The following URB1 variants were observed in gnomAD, a reference collection of about 807,000 sequenced individuals.
The protein encoded by URB1 is nucleolar pre-ribosomal-associated protein 1.
Under a neutral mutation model 242.3 loss-of-function variants are expected in URB1, and 197 were observed. That is an observed-to-expected ratio of 0.81 (90% CI 0.72 to 0.91). URB1 has a LOEUF of 0.91. URB1 is among the 40% of genes least tolerant of loss of function. URB1 has a pLI of 0.00. For synonymous variants in URB1, 1,153 were observed against 1,201.8 expected, an observed-to-expected ratio of 0.96 and a Z score of 0.84; for missense variants, 2,721 against 2,860.5, an observed-to-expected ratio of 0.95 and a Z score of 1.11.
At chr21:32,377,590 T>G (rs563096567) in intron 5 of URB1, among the ~76,000 whole-genome samples, 1 of 151,906 alleles carries the variant, frequency 6.6e-6, no homozygotes, top group East Asian at 1.9e-4. Context: ...ACTCTCATGC[T>G]GCTCCACCAC....
intron 28 of URB1, among the ~76,000 whole-genome samples, chr21:32,334,575 G>A (rs763462599): frequency 6.6e-6 from 1 of 152,144 alleles, no homozygotes; most frequent in Non-Finnish European, 1.5e-5. Flanking sequence ...CTACTCAGCT[G>A]GCCCTATTCT....
rs540569583 is a variant in URB1 at position 32,314,700 on chromosome 21, G to C, written c.*218C>G. On this transcript the variant is annotated 3_prime_UTR_variant, in exon 39 of 39. Transcript: ENST00000382751. Reference sequence around the variant, plus strand: ...TGGCCTAGAAGTCCCCACATTCCTTGCAACTCTGATGCTGGGCACCTACAG... The same window carrying C: ...TGGCCTAGAAGTCCCCACATTCCTTCCAACTCTGATGCTGGGCACCTACAG... 7.6e-6 allele frequency: 12 copies of C among 1,579,136 alleles called. No individual in the cohort carries two copies. In the African/African-American group the frequency reaches 1.1e-4, roughly 14 times the overall value.
chr21:32,331,438 T>C (rs2032891604), intron 30 of URB1, among the ~76,000 whole-genome samples: 1 of 152,174 alleles, frequency 6.6e-6, no homozygotes, highest in Non-Finnish European at 1.5e-5. Flanking sequence ...CAAGTAGAAC[T>C]AAAAATACTG....
chr21:32,337,274 C>T (rs1157426557), intron 27 of URB1, 117 bp from the exon 28 acceptor site: 1 of 1,343,028 alleles, frequency 7.4e-7, no homozygotes, highest in Admixed American at 2.0e-5. Flanking sequence ...TATCTTCACC[C>T]TGCTTGCACC....
intron 4 of URB1, 43 bp from the exon 5 acceptor site, chr21:32,378,584 A>G (rs1244517519): frequency 6.7e-7 from 1 of 1,490,152 alleles, no homozygotes; most frequent in Non-Finnish European, 9.2e-7. Context: ...CATATTCCAC[A>G]TACAGCCAAA....
chr21:32,351,060 C>A, intron 19 of URB1, 138 bp from the exon 20 acceptor site: 1 of 900,398 alleles, frequency 1.1e-6, no homozygotes, highest in South Asian at 1.7e-5. Flanking sequence ...GAATACGGGA[C>A]CGTGTGGCAT....
rs1245424057 is a variant in URB1 at position 32,349,341 on chromosome 21, A to T, written c.2975T>A (p.Met992Lys). Residue 992 changes from methionine (M) to lysine (K), a missense_variant, in exon 21 of 39, where the codon ATG (methionine) becomes AAG (lysine). By Grantham distance (95) the Met-to-Lys change is moderately conservative. Transcript: ENST00000382751. ...ARAEADLFLD[M>K]ESVASLELAN... ...CAACTCCAGCGAGGCCACGGACTCCATGTCCAGGAAGAGGTCGGCTTCGGC... is the reference window on the plus strand; with the variant it reads ...CAACTCCAGCGAGGCCACGGACTCCTTGTCCAGGAAGAGGTCGGCTTCGGC... The T allele has an allele frequency of 6.4e-7, 1 of 1,550,564 alleles. No homozygotes were observed.
At chr21:32,355,382 G>A (rs1422888248) in intron 16 of URB1, 67 bp downstream of exon 16, 35 of 1,436,376 alleles carry the variant, frequency 2.4e-5, no homozygotes, top group African/African-American at 4.2e-5. Flanking sequence ...AAAATGCCTC[G>A]ATGACGCTAA....
intron 1 of URB1, among the ~76,000 whole-genome samples, chr21:32,390,724 C>T (rs1382464615): frequency 1.3e-5 from 2 of 152,142 alleles, no homozygotes; most frequent in African/African-American, 4.8e-5. Context: ...ACAACAGGTG[C>T]TGGAGAGGAT....
At chr21:32,371,565 CA>C (rs1045121778) in intron 8 of URB1, among the ~76,000 whole-genome samples, 6 of 152,142 alleles carry the variant, frequency 3.9e-5, no homozygotes, top group African/African-American at 4.8e-5. Flanking sequence ...AAAACACGTC[CA>C]AAGTCATAAG....
At chr21:32,391,616 A>G (rs1220731326) in intron 1 of URB1, among the ~76,000 whole-genome samples, 1 of 152,184 alleles carries the variant, frequency 6.6e-6, no homozygotes, top group African/African-American at 2.4e-5. Flanking sequence ...CGTAGCAAAT[A>G]ATAGCCTCTA....
intron 4 of URB1, among the ~76,000 whole-genome samples, chr21:32,379,020 A>T (rs2033492095): frequency 6.6e-6 from 1 of 152,248 alleles, no homozygotes; most frequent in Non-Finnish European, 1.5e-5. Flanking sequence ...GAGATATTAT[A>T]AATAACTTAT....
At chr21:32,353,651 G>A (rs762404996) in intron 18 of URB1, among the ~76,000 whole-genome samples, 44 of 152,078 alleles carry the variant, frequency 2.9e-4, no homozygotes, top group South Asian at 2.1e-4. Flanking sequence ...AAATGTTGAC[G>A]AAAAAACATC....
In URB1 at chr21:32,329,309, T is replaced by C. The variant is rs368399642; in HGVS notation, c.4961-3920A>G. ...CAGTATTAGTGGGCTTCAGTAGCAGTGTAACTGCTGTTGGAGCATCAGAAA... is the reference window on the plus strand; with the variant it reads ...CAGTATTAGTGGGCTTCAGTAGCAGCGTAACTGCTGTTGGAGCATCAGAAA... On this transcript the variant is annotated intron_variant, in intron 30 of 38. Transcript: ENST00000382751. 3.9e-4 allele frequency among the ~76,000 whole-genome samples: 59 copies of C among 152,264 alleles called. No individual in the cohort carries two copies. In the South Asian group the frequency reaches 0.012, roughly 30 times the overall value.
At chr21:32,363,455 C>A in intron 10 of URB1, 126 bp from the exon 11 acceptor site, 1 of 1,210,750 alleles carries the variant, frequency 8.3e-7, no homozygotes, top group Non-Finnish European at 1.1e-6. Flanking sequence ...AACTGCTGGT[C>A]TCTACGCTCT....
chr21:32,335,891 G>A (rs949313625), intron 28 of URB1, among the ~76,000 whole-genome samples: 6 of 152,186 alleles, frequency 3.9e-5, no homozygotes, highest in African/African-American at 7.2e-5. Flanking sequence ...GCTCTTCCCC[G>A]GCAGCTGAAA....
intron 20 of URB1, 77 bp from the exon 21 acceptor site, chr21:32,349,560 T>A (rs2033132736): frequency 2.1e-6 from 3 of 1,428,034 alleles, no homozygotes; most frequent in Non-Finnish European, 2.8e-6. Flanking sequence ...CCAGGGCCCG[T>A]GTTTTCAGAG....
chr21:32,391,159 C>T (rs1340387132), intron 1 of URB1, among the ~76,000 whole-genome samples: 2 of 144,996 alleles, frequency 1.4e-5, no homozygotes, highest in Non-Finnish European at 3.0e-5. Flanking sequence ...TAGGTGGGAA[C>T]TGAACAATGA....
rs539061617 is a variant in URB1 at position 32,347,704 on chromosome 21, G to C, written c.3120C>G (p.Leu1040=). The part of the protein sequence containing the change: ...ALPPHTLSPV[L]VKLLATHFSA... ...TAAAGTGGGTGGCCAGGAGCTTCACGAGGACAGGGCTGAGCGTGTGCGGCG... is the reference window on the plus strand; with the variant it reads ...TAAAGTGGGTGGCCAGGAGCTTCACCAGGACAGGGCTGAGCGTGTGCGGCG... Residue 1040 remains leucine, a synonymous_variant, in exon 22 of 39, where the codon CTC becomes CTG. Transcript: ENST00000382751. The C allele has an allele frequency of 3.9e-6, 6 of 1,551,234 alleles. No homozygotes were observed. In the Admixed American group the frequency reaches 9.8e-5, roughly 25 times the overall value.
Sources: gnomAD v4.1 joint callset for allele counts (sites outside exome capture counted in the v4.1 genomes callset) on GRCh38, gnomAD v4.1.1 for gene constraint, MANE v1.5 for transcripts, NCBI Gene and HGNC (gene_info 2026-07-23, HGNC 2026-07-21) for gene names.